TNS1: variants seen among roughly 807,000 people sequenced by gnomAD.
TNS1 encodes the protein tensin 1.
In TNS1, 62 loss-of-function variants were observed where a neutral mutation model predicts 168.6. That is an observed-to-expected ratio of 0.37 (90% CI 0.30 to 0.45). TNS1 has a LOEUF of 0.45. Ranked by LOEUF, TNS1 falls within the 20% of genes least tolerant of loss-of-function variation. The probability of loss-of-function intolerance (pLI) is 1.00; values close to 1 mark genes in which losing one functional copy is unlikely to be tolerated. For missense variants in TNS1, 2,240 were observed against 2,339.4 expected, an observed-to-expected ratio of 0.96 and a Z score of 0.88; for synonymous variants, 934 against 933.2, an observed-to-expected ratio of 1.00 and a Z score of -0.02.
intron 3 of TNS1, among the ~76,000 whole-genome samples, chr2:217,947,105 C>G (rs1010695706): frequency 1.3e-5 from 2 of 152,064 alleles, no homozygotes; most frequent in Non-Finnish European, 2.9e-5. Flanking sequence ...CCTCCCATCC[C>G]CAGCCTCCTC....
At chr2:217,960,062 C>T (rs553683895) in intron 3 of TNS1, among the ~76,000 whole-genome samples, 4 of 152,160 alleles carry the variant, frequency 2.6e-5, no homozygotes, top group African/African-American at 4.8e-5. Context: ...GTAGGGCCAC[C>T]GCTGCACAGC....
chr2:217,922,169 G>A (rs144755618), intron 3 of TNS1, among the ~76,000 whole-genome samples: 11 of 152,284 alleles, frequency 7.2e-5, no homozygotes, highest in East Asian at 5.8e-4. Flanking sequence ...CAGACTGGGC[G>A]GGAAGGGGAG....
Position 217,966,988 on chromosome 2 carries a change from G to A in TNS1, c.186+11777C>T, listed in dbSNP as rs150364040. On this transcript the variant is annotated intron_variant, in intron 3 of 32. Transcript: ENST00000682258. ...TGGTATTTCAAGGATTAAATGAGAAGAGTGTCACGTAGTCACCATGCAGGG... is the reference window on the plus strand; with the variant it reads ...TGGTATTTCAAGGATTAAATGAGAAAAGTGTCACGTAGTCACCATGCAGGG... 2.6e-3 allele frequency among the ~76,000 whole-genome samples: 403 copies of A among 152,332 alleles called. 2 individuals carry two copies. Among genetic ancestry groups the A allele is most frequent in the African/African-American group, 8.9e-3 (369 of 41,566 alleles).
chr2:218,002,622 G>A (rs549983827), intron 1 of TNS1, among the ~76,000 whole-genome samples: 7 of 152,068 alleles, frequency 4.6e-5, no homozygotes, highest in Admixed American at 1.3e-4. Context: ...GTACTGACCC[G>A]GGACCCTGGG....
intron 1 of TNS1, among the ~76,000 whole-genome samples, chr2:217,996,419 C>A (rs1958471781): frequency 6.6e-6 from 1 of 152,124 alleles, no homozygotes; most frequent in South Asian, 2.1e-4. Context: ...CCCAGTGGGG[C>A]TGCCGGCTGG....
chr2:217,914,193 C>A (rs1954743071), intron 4 of TNS1, among the ~76,000 whole-genome samples: 1 of 152,230 alleles, frequency 6.6e-6, no homozygotes, highest in South Asian at 2.1e-4. Context: ...AAGGCTACCA[C>A]CTCTGGTCAA....
intron 1 of TNS1, among the ~76,000 whole-genome samples, chr2:218,020,737 C>T (rs905236196): frequency 6.6e-6 from 1 of 152,138 alleles, no homozygotes; most frequent in African/African-American, 2.4e-5. Flanking sequence ...CGTGACCTGC[C>T]CCAGGCAGAA....
At chr2:217,950,026 G>A (rs914003139) in intron 3 of TNS1, among the ~76,000 whole-genome samples, 3 of 152,176 alleles carry the variant, frequency 2.0e-5, no homozygotes, top group Non-Finnish European at 4.4e-5. Flanking sequence ...TGGAGGTTTA[G>A]CATCTAGACC....
chr2:217,810,643 C>T (rs759273476), intron 28 of TNS1, among the ~76,000 whole-genome samples: 21 of 152,154 alleles, frequency 1.4e-4, no homozygotes, highest in Non-Finnish European at 2.4e-4. Context: ...ACAGCTTAGC[C>T]AGTGCTTAAC....
At position 217,809,854 on chromosome 2, in the gene TNS1, G is replaced by C; in HGVS notation, c.5242C>G (p.Gln1748Glu). Residue 1748 changes from glutamine (Q) to glutamate (E), a missense_variant, in exon 30 of 33, where the codon CAG (glutamine) becomes GAG (glutamate). By Grantham distance (29) the Gln-to-Glu change is conservative. Around this residue, in one of 2 missense-constraint regions of TNS1, gnomAD observed 109 missense variants for 168.1 expected, o/e 0.65. Transcript: ENST00000682258. ...ATIVHFKVSA[Q>E]GITLTDNQRK... ...TGGTTGTCAGTCAGAGTGATTCCCTGGGCAGAGACTTTGAAGTGAACGATG... is the reference window on the plus strand; with the variant it reads ...TGGTTGTCAGTCAGAGTGATTCCCTCGGCAGAGACTTTGAAGTGAACGATG... 6.2e-7 allele frequency: 1 copy of C among 1,614,070 alleles called. No individual in the cohort carries two copies.
rs528456960 is a variant in TNS1, at chr2:217,811,056, G to C, written c.5033-737C>G. Among the ~76,000 whole-genome samples, 6 of 151,994 alleles carry C rather than the reference G, an allele frequency of 3.9e-5. No individual in the cohort carries two copies. In the South Asian group the frequency reaches 1.2e-3, roughly 32 times the overall value. ...ACCATGCCTGGATAATTTTTTTACT[G>C]TTTTGTAAAAACAGGGTCTTCTGAT... On this transcript the variant is annotated intron_variant, in intron 28 of 32. Coordinates refer to ENST00000682258, the MANE Select transcript of TNS1 (RefSeq NM_001387777.1).
chr2:217,924,172 G>A (rs371118877), intron 3 of TNS1, among the ~76,000 whole-genome samples: 2 of 152,276 alleles, frequency 1.3e-5, no homozygotes, highest in Admixed American at 6.5e-5. Context: ...TGGAGCCTGT[G>A]AGTACACAGT....
At chr2:217,806,276 C>T (rs1398215806) in intron 32 of TNS1, among the ~76,000 whole-genome samples, 2 of 152,260 alleles carry the variant, frequency 1.3e-5, no homozygotes, top group African/African-American at 4.8e-5. Context: ...AAGCCTCAGC[C>T]CGCAAGGGCA....
At chr2:217,868,981 G>C (rs902281331) in intron 18 of TNS1, among the ~76,000 whole-genome samples, 1 of 152,242 alleles carries the variant, frequency 6.6e-6, no homozygotes, top group Non-Finnish European at 1.5e-5. Context: ...GAGGGACATA[G>C]AGAAGAAAGG....
rs753647383 is a variant in TNS1 at position 217,847,562 on chromosome 2, A to G, written c.2955T>C (p.Thr985=). 1 of 1,485,870 alleles carries G rather than the reference A, an allele frequency of 6.7e-7. No homozygotes were observed. The highest frequency in any genetic ancestry group is 9.0e-7 in the Non-Finnish European group (1 of 1,111,642). 92.0% of individuals were successfully genotyped at this position (1,485,870 alleles called of 1,614,324 possible). The change falls in exon 19 of 33, where the codon ACT becomes ACC. Residue 985 remains threonine (T), a synonymous_variant. Coordinates refer to ENST00000682258, the MANE Select transcript of TNS1 (RefSeq NM_001387777.1). ...CTAAATTCAATGGCTCCTCCTCTGGAGTCCGGGAGGGGTCTGAAGTCGCTT... is the reference window on the plus strand; with the variant it reads ...CTAAATTCAATGGCTCCTCCTCTGGGGTCCGGGAGGGGTCTGAAGTCGCTT... ...PKEATSDPSR[T]PEEEPLNLEG...
rs745875001 is a variant in TNS1, at chr2:217,804,464, TC to T, written c.5514del (p.Arg1839AspfsTer28). The T allele has an allele frequency of 7.4e-6, 12 of 1,613,856 alleles. No individual in the cohort carries two copies. Among genetic ancestry groups the T allele is most frequent in the Non-Finnish European group, 1.0e-5 (12 of 1,179,980 alleles). On this transcript the variant is annotated frameshift_variant, in exon 33 of 33. Coordinates refer to ENST00000682258, the MANE Select transcript of TNS1 (RefSeq NM_001387777.1). LOFTEE classifies it high-confidence loss of function. ...CCCTGGGCAAGGGGCAGGGTTCATC[TC>T]TTTTGGCCGGCATTCAGCATGACCT... is the stretch of plus-strand genomic sequence containing the variant. ...VSKVMLNAGQ[K>X]R is the part of the protein sequence containing the mutation.
At chr2:217,885,211 G>A (rs1951079668) in intron 15 of TNS1, 47 bp from the exon 16 acceptor site, 4 of 1,612,352 alleles carry the variant, frequency 2.5e-6, no homozygotes, top group Non-Finnish European at 3.4e-6. Flanking sequence ...GAGGCTGGGA[G>A]GTCAGGTCCC....
Position 217,813,139 on chromosome 2 carries a change from C to T in TNS1, c.4954+76G>A. The T allele has an allele frequency of 1.8e-6, 2 of 1,097,032 alleles. No individual in the cohort carries two copies. The highest frequency in any genetic ancestry group is 2.7e-6 in the Non-Finnish European group (2 of 735,332). The allele number at this position is 1,097,032 out of a possible 1,614,324, so 68.0% of individuals were successfully genotyped here. On this transcript the variant is annotated intron_variant, in intron 27 of 32. Coordinates refer to ENST00000682258, the MANE Select transcript of TNS1 (RefSeq NM_001387777.1). This position sits in a 1 kb window ranked among gnomAD's most constrained non-coding sequence, Gnocchi z 4.0. ...GAGCCTGTCAGAAAGAACTTGGGGT[C>T]AGACCCCTGGAGGAACCCAGGACAG...
intron 2 of TNS1, among the ~76,000 whole-genome samples, chr2:217,989,135 A>C (rs1441101633): frequency 1.3e-5 from 2 of 152,192 alleles, no homozygotes; most frequent in African/African-American, 4.8e-5. Context: ...CAGTGGTTTG[A>C]ACATGGAGTC....
Sources: gnomAD v4.1 joint callset for allele counts (sites outside exome capture counted in the v4.1 genomes callset) on GRCh38, gnomAD v4.1.1 for gene constraint, gnomAD v4.1.1 regional missense constraint, Gnocchi (gnomAD v3.1) non-coding constraint, MANE v1.5 for transcripts, NCBI Gene and HGNC (gene_info 2026-07-23, HGNC 2026-07-21) for gene names.